The following UNKL variants were observed in gnomAD, a reference collection of about 807,000 sequenced individuals.
The protein encoded by UNKL is putative E3 ubiquitin-protein ligase UNKL.
Under a neutral mutation model 78.0 loss-of-function variants are expected in UNKL, and 60 were observed. That is an observed-to-expected ratio of 0.77 (90% CI 0.63 to 0.95). The LOEUF (loss-of-function observed/expected upper bound fraction) is 0.95. Among genes scored for constraint, UNKL ranks in the 40% least tolerant of loss-of-function variants. The probability of loss-of-function intolerance (pLI) is 0.00; values close to 1 mark genes in which losing one functional copy is unlikely to be tolerated. For synonymous variants in UNKL, 608 were observed against 474.8 expected (o/e 1.28, Z -3.65); for missense variants, 1,159 against 1,045.7 (o/e 1.11, Z -1.49).
rs1011735277 is a variant in UNKL at position 1,399,068 on chromosome 16, G to T, written c.734+306C>A. ...AACCAGAGGCACGGGTGGGGCACAC[G>T]GGGGTCCCAGCTGGGCTTGGGGTCC... On this transcript the variant is annotated intron_variant, in intron 5 of 14. Transcript: ENST00000389221. The surrounding 1 kb of genome is among the most constrained non-coding windows in gnomAD (Gnocchi z 5.8). 7.3e-7 allele frequency: 1 copy of T among 1,364,732 alleles called. No homozygotes were observed. The highest frequency in any genetic ancestry group is 1.5e-5 in the African/African-American group (1 of 68,372). 84.5% of individuals were successfully genotyped at this position (1,364,732 alleles called of 1,614,324 possible). A position where few individuals can be genotyped will look rare whatever the true frequency, so the allele number is the denominator to read the frequency against.
In UNKL at chr16:1,363,283, T is replaced by C. The variant is rs1288307804; in HGVS notation, c.*2957A>G. The C allele has an allele frequency of 1.8e-5, 11 of 615,672 alleles. No homozygotes were observed. The highest frequency in any genetic ancestry group is 4.3e-4 in the Middle Eastern group (1 of 2,328). The allele number at this position is 615,672 out of a possible 1,614,324, so 38.1% of individuals were successfully genotyped here. On this transcript the variant is annotated 3_prime_UTR_variant, in exon 15 of 15. Coordinates refer to ENST00000389221, the MANE Select transcript of UNKL (RefSeq NM_001372107.1). ...TCTGTAAACCATTGCATAAATGCTA[T>C]AGTGTAAAAAAATTTAAACAAGTGT...
At chr16:1,395,501 T>G in intron 6 of UNKL, 1 of 323,916 alleles carries the variant, frequency 3.1e-6, no homozygotes, top group Non-Finnish European at 6.4e-6. Context: ...TATGGTCCCT[T>G]GGCAACTACA....
At chr16:1,382,213 C>T (rs1226305237) in intron 10 of UNKL, among the ~76,000 whole-genome samples, 3 of 152,228 alleles carry the variant, frequency 2.0e-5, no homozygotes, top group Non-Finnish European at 2.9e-5. Context: ...TTTTAAAAAC[C>T]TACCCTTTAC....
chr16:1,403,139 C>T lies in UNKL; in HGVS notation c.464+29G>A, dbSNP rs1477935743. On this transcript the variant is annotated intron_variant, in intron 3 of 14. Transcript: ENST00000389221. This position sits in a 1 kb window ranked among gnomAD's most constrained non-coding sequence, Gnocchi z 4.8. ...GCAGAGCCCACAGCAGCAGGCAGGCCAAGTGCCCACTCGTGGATGCCCACT... is the reference window on the plus strand; with the variant it reads ...GCAGAGCCCACAGCAGCAGGCAGGCTAAGTGCCCACTCGTGGATGCCCACT... 3 of 1,592,096 alleles carry T rather than the reference C, an allele frequency of 1.9e-6. No individual in the cohort carries two copies. The highest frequency in any genetic ancestry group is 2.6e-6 in the Non-Finnish European group (3 of 1,168,866).
chr16:1,374,483 G>A (rs543718503), intron 10 of UNKL, among the ~76,000 whole-genome samples: 12 of 152,220 alleles, frequency 7.9e-5, no homozygotes, highest in Admixed American at 2.6e-4. Context: ...CCAGGCAACC[G>A]CACCCCGGGG....
chr16:1,378,228 G>T (rs749974141), intron 10 of UNKL, among the ~76,000 whole-genome samples: 1 of 152,166 alleles, frequency 6.6e-6, no homozygotes. Context: ...GACAGGCACC[G>T]ACCCCCCAAC....
At chr16:1,407,621 A>G (rs1188406699) in intron 2 of UNKL, among the ~76,000 whole-genome samples, 1 of 151,136 alleles carries the variant, frequency 6.6e-6, no homozygotes, top group Admixed American at 6.6e-5. Flanking sequence ...ACTTGAGCTC[A>G]GGAGGTTGAG....
rs138012252 is a variant in UNKL at position 1,371,148 on chromosome 16, C to T, written c.1357+371G>A. On this transcript the variant is annotated intron_variant, in intron 11 of 14. Coordinates refer to ENST00000389221, the MANE Select transcript of UNKL (RefSeq NM_001372107.1). ...CAATCTTTTGTCTACAATGTGAATA[C>T]ATTTATCCTTCGGGGACCATCAAGA... Among the ~76,000 whole-genome samples the T allele has an allele frequency of 5.4e-3, 817 of 149,942 alleles. 13 individuals are homozygous for T. Among genetic ancestry groups the T allele is most frequent in the African/African-American group, 0.019 (795 of 40,982 alleles).
At chr16:1,368,675 C>T (rs2035522973) in intron 12 of UNKL, among the ~76,000 whole-genome samples, 1 of 145,768 alleles carries the variant, frequency 6.9e-6, no homozygotes, top group South Asian at 2.2e-4. Flanking sequence ...TCGAGGCCAG[C>T]AGATCACTTG....
At chr16:1,401,243 G>T (rs1193735079) in intron 4 of UNKL, 1 of 235,886 alleles carries the variant, frequency 4.2e-6, no homozygotes, top group Non-Finnish European at 8.1e-6. Flanking sequence ...CCTGGTGGGC[G>T]CCCCGGCTCT....
At position 1,364,593 on chromosome 16, in the gene UNKL, G is replaced by A. The variant is rs1159966137; in HGVS notation, c.*1647C>T. On this transcript the variant is annotated 3_prime_UTR_variant, in exon 15 of 15. Coordinates refer to ENST00000389221, the MANE Select transcript of UNKL (RefSeq NM_001372107.1). Reference sequence around the variant, plus strand: ...ATCGCGGGGATGCGTTCTCAGTCACGTTTCTGCTGCGGCCGAAACCACACT... The same window carrying A: ...ATCGCGGGGATGCGTTCTCAGTCACATTTCTGCTGCGGCCGAAACCACACT... The A allele has an allele frequency of 5.3e-5, 8 of 152,316 alleles. No homozygotes were observed. The highest frequency in any genetic ancestry group is 1.4e-4 in the African/African-American group (6 of 41,452). 9.4% of individuals were successfully genotyped at this position (152,316 alleles called of 1,614,324 possible).
In UNKL at chr16:1,363,391, A is replaced by G. The variant is rs1356540875; in HGVS notation, c.*2849T>C. On this transcript the variant is annotated 3_prime_UTR_variant, in exon 15 of 15. Coordinates refer to ENST00000389221, the MANE Select transcript of UNKL (RefSeq NM_001372107.1). ...AAAATTCCATTCAAATAACATTCTC[A>G]TGTAAATACTCAAACATACAGATTG... 1 of 402,604 alleles carries G rather than the reference A, an allele frequency of 2.5e-6. No individual in the cohort carries two copies. The highest frequency in any genetic ancestry group is 2.1e-5 in the African/African-American group (1 of 48,680). The allele number at this position is 402,604 out of a possible 1,614,324, so 24.9% of individuals were successfully genotyped here.
chr16:1,385,177 C>A, intron 10 of UNKL, 31 bp downstream of exon 10: 9 of 1,245,214 alleles, frequency 7.2e-6, no homozygotes, highest in Non-Finnish European at 9.1e-6. Context: ...AGAAGGAGGT[C>A]AGGGAGAAAG....
chr16:1,370,495 G>T, intron 11 of UNKL, 138 bp from the exon 12 acceptor site: 2 of 1,342,960 alleles, frequency 1.5e-6, no homozygotes, highest in African/African-American at 1.5e-5. Flanking sequence ...TAGGGGCCAG[G>T]CCAGCCACCA....
At position 1,366,041 on chromosome 16, in the gene UNKL, A is replaced by G. The variant is rs967403048; in HGVS notation, c.*199T>C. 3.5e-5 allele frequency: 20 copies of G among 565,216 alleles called. No homozygotes were observed. The highest frequency in any genetic ancestry group is 5.8e-5 in the Non-Finnish European group (20 of 342,418). 35.0% of individuals were successfully genotyped at this position (565,216 alleles called of 1,614,324 possible). ...ACCTTGAAACCGTCGGTAGGACTAGATAGGTGACAACGTGTGACAGGAAAG... is the reference window on the plus strand; with the variant it reads ...ACCTTGAAACCGTCGGTAGGACTAGGTAGGTGACAACGTGTGACAGGAAAG... On this transcript the variant is annotated 3_prime_UTR_variant, in exon 15 of 15. Transcript: ENST00000389221.
intron 9 of UNKL, among the ~76,000 whole-genome samples, chr16:1,388,896 T>A (rs907553416): frequency 6.6e-6 from 1 of 152,088 alleles, no homozygotes; most frequent in Admixed American, 6.5e-5. Context: ...TTCTCTGTAT[T>A]ATAGTGAAAT....
intron 13 of UNKL, 63 bp downstream of exon 13, chr16:1,367,593 G>T: frequency 2.9e-6 from 1 of 340,480 alleles, no homozygotes; most frequent in Non-Finnish European, 5.1e-6. Flanking sequence ...ACCCCCACAC[G>T]CTCACCTGAG....
chr16:1,401,991 G>A lies in UNKL; in HGVS notation c.465-290C>T, dbSNP rs537425196. On this transcript the variant is annotated intron_variant, in intron 3 of 14. Transcript: ENST00000389221. ...CAGCTCATTGCAGTCTCCATCTCCC[G>A]GGCTCAAGCGATCCTCCCACCTTGG... is the stretch of plus-strand genomic sequence containing the variant. Among the ~76,000 whole-genome samples, 23 of 152,284 alleles carry A rather than the reference G, an allele frequency of 1.5e-4. No homozygotes were observed. In the East Asian group the frequency reaches 2.7e-3, roughly 18 times the overall value.
intron 9 of UNKL, among the ~76,000 whole-genome samples, chr16:1,390,274 C>T (rs1258363663): frequency 6.6e-6 from 1 of 152,322 alleles, no homozygotes; most frequent in South Asian, 2.1e-4. Context: ...GTGTGAGCCA[C>T]CGTGCCCGGC....
Sources: gnomAD v4.1 joint callset for allele counts (sites outside exome capture counted in the v4.1 genomes callset) on GRCh38, gnomAD v4.1.1 for gene constraint, Gnocchi (gnomAD v3.1) non-coding constraint, MANE v1.5 for transcripts, NCBI Gene and HGNC (gene_info 2026-07-23, HGNC 2026-07-21) for gene names.